TSPAN18: variants seen among roughly 807,000 people sequenced by gnomAD.
TSPAN18 encodes the protein tetraspanin 18.
In TSPAN18, 14 loss-of-function variants were observed where a neutral mutation model predicts 27.3. The observed-to-expected ratio is 0.51, with a 90% confidence interval of 0.34 to 0.80. The LOEUF (loss-of-function observed/expected upper bound fraction) is 0.80, where lower values mean the gene tolerates loss of function less well. Among genes scored for constraint, TSPAN18 ranks in the 30% least tolerant of loss-of-function variants. TSPAN18 has a pLI of 0.01. For synonymous variants in TSPAN18, 143 were observed against 136.5 expected, an observed-to-expected ratio of 1.05 and a Z score of -0.33; for missense variants, 268 against 323.9, an observed-to-expected ratio of 0.83 and a Z score of 1.32.
chr11:44,854,793 T>C (rs1216977251), intron 2 of TSPAN18, among the ~76,000 whole-genome samples: 2 of 152,228 alleles, frequency 1.3e-5, no homozygotes, highest in Admixed American at 1.3e-4. Context: ...TCTGTCTCTC[T>C]GCTTCCTGGT....
chr11:44,909,838 T>A lies in TSPAN18; in HGVS notation c.197T>A (p.Phe66Tyr). Reference sequence around the variant, plus strand: ...CTCCTGGCCATGGGGGGCCTGCTCTTTCTGCTCGGCTTCCTGGGCTGCTGC... The same window carrying A: ...CTCCTGGCCATGGGGGGCCTGCTCTATCTGCTCGGCTTCCTGGGCTGCTGC... The part of the protein sequence containing the change: ...YILLAMGGLL[F>Y]LLGFLGCCGA... Residue 66 changes from phenylalanine to tyrosine, a missense_variant, in exon 5 of 10, where the codon TTT becomes TAT. By Grantham distance (22) the Phe-to-Tyr change is conservative. Transcript: ENST00000520358. 1 of 1,614,102 alleles carries A rather than the reference T, an allele frequency of 6.2e-7. No individual in the cohort carries two copies. Among genetic ancestry groups the A allele is most frequent in the Non-Finnish European group, 8.5e-7 (1 of 1,180,014 alleles).
rs1238501815 is a variant in TSPAN18 at position 44,876,133 on chromosome 11, T to A, written c.-11+15664T>A. 3.3e-5 allele frequency among the ~76,000 whole-genome samples: 5 copies of A among 152,214 alleles called. No individual in the cohort carries two copies. In the East Asian group the frequency reaches 9.6e-4, roughly 29 times the overall value. Reference sequence around the variant, plus strand: ...TGTGCTTCCTGTCCCCAGTCCCCTTTTGTGGAACAAAAGTTCTTCTGTTTT... The same window carrying A: ...TGTGCTTCCTGTCCCCAGTCCCCTTATGTGGAACAAAAGTTCTTCTGTTTT... On this transcript the variant is annotated intron_variant, in intron 3 of 9. Transcript: ENST00000520358.
chr11:44,851,090 G>A (rs965444966), intron 2 of TSPAN18, among the ~76,000 whole-genome samples: 3 of 152,222 alleles, frequency 2.0e-5, no homozygotes, highest in Non-Finnish European at 2.9e-5. Context: ...TGACCTTTCT[G>A]CTTTAATCCA....
intron 2 of TSPAN18, among the ~76,000 whole-genome samples, chr11:44,804,157 G>C (rs1015286582): frequency 5.3e-5 from 8 of 152,006 alleles, no homozygotes; most frequent in Non-Finnish European, 1.0e-4. Context: ...GAGCTGGAGT[G>C]CAATGGTGCG....
intron 2 of TSPAN18, among the ~76,000 whole-genome samples, chr11:44,857,986 A>C (rs1857781162): frequency 6.6e-6 from 1 of 152,234 alleles, no homozygotes; most frequent in African/African-American, 2.4e-5. Context: ...ACAGTGATCG[A>C]GAGCTTCCGC....
chr11:44,897,940 C>G, intron 3 of TSPAN18: 1 of 1,114,670 alleles, frequency 9.0e-7, no homozygotes, highest in South Asian at 1.3e-5. Context: ...CTCTGTGTCT[C>G]CTTCGGTCTT....
chr11:44,925,430 G>A (rs1314009199), intron 8 of TSPAN18, among the ~76,000 whole-genome samples: 1 of 152,090 alleles, frequency 6.6e-6, no homozygotes, highest in Non-Finnish European at 1.5e-5. Flanking sequence ...CTCCAGGGAG[G>A]GCTTCTGGGG....
At chr11:44,785,504 A>G (rs571224706) in intron 2 of TSPAN18, among the ~76,000 whole-genome samples, 1 of 151,602 alleles carries the variant, frequency 6.6e-6, no homozygotes, top group African/African-American at 2.4e-5. Flanking sequence ...AGTTATCCTC[A>G]TGGTACATGC....
chr11:44,805,712 A>G (rs1261913825), intron 2 of TSPAN18, among the ~76,000 whole-genome samples: 1 of 152,184 alleles, frequency 6.6e-6, no homozygotes, highest in Non-Finnish European at 1.5e-5. Flanking sequence ...AGAAGTTCAA[A>G]GTCAAGGTGC....
At chr11:44,754,087 C>A (rs773037614) in intron 1 of TSPAN18, among the ~76,000 whole-genome samples, 4 of 152,192 alleles carry the variant, frequency 2.6e-5, no homozygotes, top group Non-Finnish European at 4.4e-5. Context: ...AATTTTAAAG[C>A]TCTCTGGTTC....
intron 2 of TSPAN18, among the ~76,000 whole-genome samples, chr11:44,769,905 CTA>C (rs1004301811): frequency 4.7e-4 from 71 of 152,252 alleles, no homozygotes; most frequent in Middle Eastern, 6.8e-3. Context: ...TTTCTGAAGG[CTA>C]TGTTTTAATC....
rs559256095 is a variant in TSPAN18 at position 44,922,393 on chromosome 11, C to G, written c.615+2394C>G. On this transcript the variant is annotated intron_variant, in intron 8 of 9. Coordinates refer to ENST00000520358, the MANE Select transcript of TSPAN18 (RefSeq NM_130783.5). ...TTGGCCTCCCCAAGTGCTGGGATTA[C>G]AGGCATGAACCACCATGTCCGGCCC... Among the ~76,000 whole-genome samples, 9 of 152,338 alleles carry G rather than the reference C, an allele frequency of 5.9e-5. 1 individual carries two copies. The South Asian group carries it at 1.5e-3, about 25-fold the overall frequency.
intron 2 of TSPAN18, among the ~76,000 whole-genome samples, chr11:44,788,939 G>C (rs2134974340): frequency 6.6e-6 from 1 of 152,348 alleles, no homozygotes; most frequent in African/African-American, 2.4e-5. Flanking sequence ...CATGCAGCTG[G>C]TGTTGCCTTT....
chr11:44,866,402 T>C (rs1224647957), intron 3 of TSPAN18, among the ~76,000 whole-genome samples: 1 of 152,118 alleles, frequency 6.6e-6, no homozygotes, highest in South Asian at 2.1e-4. Flanking sequence ...TCCGAAACAT[T>C]TGGGAAAGGC....
intron 3 of TSPAN18, among the ~76,000 whole-genome samples, chr11:44,879,000 G>T (rs768269903): frequency 3.3e-5 from 5 of 152,176 alleles, no homozygotes; most frequent in African/African-American, 1.2e-4. Context: ...TCACAGCCAC[G>T]CGACCTGCGT....
intron 2 of TSPAN18, among the ~76,000 whole-genome samples, chr11:44,801,705 C>A (rs968229581): frequency 6.6e-5 from 10 of 152,224 alleles, no homozygotes; most frequent in African/African-American, 2.4e-4. Context: ...CCTTTTCAAG[C>A]CTTTATCTCT....
At chr11:44,768,774 C>T (rs551188743) in intron 2 of TSPAN18, among the ~76,000 whole-genome samples, 37 of 151,992 alleles carry the variant, frequency 2.4e-4, no homozygotes, top group African/African-American at 8.9e-4. Flanking sequence ...TCCTAGTTTG[C>T]TGAGAGTTTT....
chr11:44,851,618 C>CCG (rs1455744264), intron 2 of TSPAN18, among the ~76,000 whole-genome samples: 1 of 147,516 alleles, frequency 6.8e-6, no homozygotes, highest in Admixed American at 6.7e-5. Context: ...TGTCACCTCC[C>CCG]CCCCCCAACG....
chr11:44,903,040 C>T (rs978692589), intron 3 of TSPAN18, among the ~76,000 whole-genome samples: 1 of 152,114 alleles, frequency 6.6e-6, no homozygotes, highest in Non-Finnish European at 1.5e-5. Flanking sequence ...TACTGTGTCC[C>T]AGGAGGGCAC....
Sources: gnomAD v4.1 joint callset for allele counts (sites outside exome capture counted in the v4.1 genomes callset) on GRCh38, gnomAD v4.1.1 for gene constraint, MANE v1.5 for transcripts, NCBI Gene and HGNC (gene_info 2026-07-23, HGNC 2026-07-21) for gene names.